ZNF76: variants seen among roughly 807,000 people sequenced by gnomAD.
The protein encoded by ZNF76 is zinc finger protein 523.
In ZNF76, 66 loss-of-function variants were observed where a neutral mutation model predicts 66.9. That is an observed-to-expected ratio of 0.99 (90% CI 0.81 to 1.21). ZNF76 has a LOEUF of 1.21. ZNF76 is among the 50% of genes most tolerant of loss of function. The pLI is 0.00. For synonymous variants in ZNF76, 275 were observed against 296.1 expected (o/e 0.93, Z 0.73); for missense variants, 729 against 760.3 (o/e 0.96, Z 0.48).
At chr6:35,294,872 T>C (rs1407736993) in intron 13 of ZNF76, 1 of 572,232 alleles carries the variant, frequency 1.7e-6, no homozygotes, top group Non-Finnish European at 3.1e-6. Context: ...CTGACGTAGA[T>C]GATCACCACG....
At chr6:35,291,436 C>A (rs1305418587) in intron 8 of ZNF76, 33 bp downstream of exon 8, 2 of 1,613,872 alleles carry the variant, frequency 1.2e-6, no homozygotes, top group Admixed American at 1.7e-5. Context: ...CAACCCCATT[C>A]CCTGGGCAAA....
intron 2 of ZNF76, among the ~76,000 whole-genome samples, chr6:35,282,264 A>G (rs1264683869): frequency 6.6e-6 from 1 of 151,960 alleles, no homozygotes; most frequent in Non-Finnish European, 1.5e-5. Flanking sequence ...TCTTGAGGCC[A>G]TAAGTTTGAG....
intron 8 of ZNF76, 36 bp downstream of exon 8, chr6:35,291,439 T>C (rs1401409520): frequency 6.2e-7 from 1 of 1,613,806 alleles, no homozygotes; most frequent in South Asian, 1.1e-5. Flanking sequence ...CCCCATTCCC[T>C]GGGCAAAAGG....
In ZNF76 at chr6:35,292,255, A is replaced by G. The variant is rs1790502050; in HGVS notation, c.932-299A>G. 6 of 481,896 alleles carry G rather than the reference A, an allele frequency of 1.2e-5. No individual in the cohort carries two copies. Among genetic ancestry groups the G allele is most frequent in the East Asian group, 7.4e-5 (2 of 26,910 alleles). 29.9% of individuals were successfully genotyped at this position (481,896 alleles called of 1,614,324 possible). A position where few individuals can be genotyped will look rare whatever the true frequency, so the allele number is the denominator to read the frequency against. On this transcript the variant is annotated intron_variant, in intron 9 of 13. Coordinates refer to ENST00000373953, the MANE Select transcript of ZNF76 (RefSeq NM_003427.5). This position sits in a 1 kb window ranked among gnomAD's most constrained non-coding sequence, Gnocchi z 4.7. ...TTGCCTCTGCTGTTCACCATTCTCA[A>G]CCTCCCACCCTCAACCTTATAAGCC...
chr6:35,264,519 G>T (rs748533643), intron 1 of ZNF76, among the ~76,000 whole-genome samples: 5 of 152,176 alleles, frequency 3.3e-5, no homozygotes, highest in Non-Finnish European at 7.3e-5. Context: ...TTTGAAGTTG[G>T]ATAATGGGTT....
At chr6:35,265,485 C>T (rs1160469624) in intron 1 of ZNF76, among the ~76,000 whole-genome samples, 16 of 143,772 alleles carry the variant, frequency 1.1e-4, no homozygotes, top group African/African-American at 3.4e-4. Flanking sequence ...CCAGCCTGGG[C>T]GACAGAGCGA....
At chr6:35,265,415 G>A (rs1430412339) in intron 1 of ZNF76, among the ~76,000 whole-genome samples, 3 of 151,476 alleles carry the variant, frequency 2.0e-5, no homozygotes, top group African/African-American at 4.9e-5. Context: ...GCTGAGGCAC[G>A]AGAATCACTT....
chr6:35,263,985 A>G (rs1785618464), intron 1 of ZNF76, among the ~76,000 whole-genome samples: 2 of 152,180 alleles, frequency 1.3e-5, no homozygotes, highest in African/African-American at 4.8e-5. Flanking sequence ...TCCTGACCTC[A>G]GGTGATCCAC....
intron 1 of ZNF76, among the ~76,000 whole-genome samples, chr6:35,263,770 A>C (rs979675554): frequency 6.6e-6 from 1 of 152,078 alleles, no homozygotes; most frequent in African/African-American, 2.4e-5. Context: ...TTTCTTTTCG[A>C]GATGGAGTCT....
chr6:35,268,514 C>T (rs915903505), intron 1 of ZNF76, among the ~76,000 whole-genome samples: 5 of 151,718 alleles, frequency 3.3e-5, no homozygotes, highest in Admixed American at 1.3e-4. Flanking sequence ...ACAAAAAAAA[C>T]GAAACCTGGC....
Position 35,281,053 on chromosome 6 carries a change from T to C in ZNF76, c.-96-3T>C. 8.5e-7 allele frequency: 1 copy of C among 1,169,964 alleles called. No individual in the cohort carries two copies. The allele number at this position is 1,169,964 out of a possible 1,614,324, so 72.5% of individuals were successfully genotyped here. ...CATAATGTGATACTGTTTATTTTCT[T>C]AGATTTGTGACCCAGAAGGAAATCT... On this transcript the variant is annotated splice_polypyrimidine_tract_variant and splice_region_variant and intron_variant, in intron 1 of 13. Coordinates refer to ENST00000373953, the MANE Select transcript of ZNF76 (RefSeq NM_003427.5).
intron 2 of ZNF76, among the ~76,000 whole-genome samples, chr6:35,283,605 T>G (rs1175090718): frequency 1.3e-5 from 2 of 152,190 alleles, no homozygotes; most frequent in Non-Finnish European, 2.9e-5. Flanking sequence ...CCACTGCCTC[T>G]CTCCATTGTA....
At chr6:35,294,059 G>A in intron 12 of ZNF76, 144 bp downstream of exon 12, 1 of 982,208 alleles carries the variant, frequency 1.0e-6, no homozygotes, top group Non-Finnish European at 1.5e-6. Flanking sequence ...CACAGTTCCT[G>A]GGCCATGAGC....
Position 35,292,248 on chromosome 6 carries a change from A to G in ZNF76, c.932-306A>G, listed in dbSNP as rs772437053. Reference sequence around the variant, plus strand: ...TTGCCTCTTGCCTCTGCTGTTCACCATTCTCAACCTCCCACCCTCAACCTT... The same window carrying G: ...TTGCCTCTTGCCTCTGCTGTTCACCGTTCTCAACCTCCCACCCTCAACCTT... On this transcript the variant is annotated intron_variant, in intron 9 of 13. Transcript: ENST00000373953. The surrounding 1 kb of genome is among the most constrained non-coding windows in gnomAD (Gnocchi z 4.7). 12 of 476,286 alleles carry G rather than the reference A, an allele frequency of 2.5e-5. No individual in the cohort carries two copies. The highest frequency in any genetic ancestry group is 3.9e-5 in the Non-Finnish European group (10 of 257,686). The allele number at this position is 476,286 out of a possible 1,614,324, so 29.5% of individuals were successfully genotyped here.
intron 1 of ZNF76, among the ~76,000 whole-genome samples, chr6:35,260,227 C>T (rs1437060216): frequency 6.6e-6 from 1 of 152,138 alleles, no homozygotes; most frequent in Admixed American, 6.5e-5. Context: ...AATCCGGTGA[C>T]TCACATGACC....
At chr6:35,278,208 G>T (rs989748940) in intron 1 of ZNF76, among the ~76,000 whole-genome samples, 5 of 151,786 alleles carry the variant, frequency 3.3e-5, no homozygotes, top group African/African-American at 9.7e-5. Flanking sequence ...CGCTGTTGTT[G>T]CCCAGGCTGG....
At chr6:35,284,799 C>T (rs958310031) in intron 2 of ZNF76, among the ~76,000 whole-genome samples, 14 of 152,156 alleles carry the variant, frequency 9.2e-5, no homozygotes, top group African/African-American at 2.9e-4. Context: ...CAACTTCTGC[C>T]TCCTGGGCTC....
rs149419128 is a variant in ZNF76 at position 35,272,418 on chromosome 6, A to G, written c.-96-8638A>G. ...TAGGAGTTCAAGGTTGCAGTGAGCT[A>G]TGATCATGCCGTTGCACTTGTAGTG... On this transcript the variant is annotated intron_variant, in intron 1 of 13. Coordinates refer to ENST00000373953, the MANE Select transcript of ZNF76 (RefSeq NM_003427.5). Among the ~76,000 whole-genome samples, 328 of 152,202 alleles carry G rather than the reference A, an allele frequency of 2.2e-3. 2 individuals carry two copies. The highest frequency in any genetic ancestry group is 7.5e-3 in the African/African-American group (312 of 41,522).
chr6:35,292,913 A>T lies in ZNF76; in HGVS notation c.1198A>T (p.Lys400Ter), dbSNP rs1790632334. Residue 400 changes from lysine to a stop codon, truncating the protein, a stop_gained, in exon 11 of 14, where the codon AAA (lysine) becomes TAA (stop). Coordinates refer to ENST00000373953, the MANE Select transcript of ZNF76 (RefSeq NM_003427.5). LOFTEE classifies it high-confidence loss of function. This position sits in a 1 kb window ranked among gnomAD's most constrained non-coding sequence, Gnocchi z 4.7. ...TGCAGCCGAGGAGAGTCCGCCACCCAAACGACCCCGGATAGCTTACCTTTC... is the reference window on the plus strand; with the variant it reads ...TGCAGCCGAGGAGAGTCCGCCACCCTAACGACCCCGGATAGCTTACCTTTC... ...ASAAEESPPP[K>*]RPRIAYLSEV... The T allele has an allele frequency of 6.2e-7, 1 of 1,614,186 alleles. No homozygotes were observed. The highest frequency in any genetic ancestry group is 8.5e-7 in the Non-Finnish European group (1 of 1,180,040).
Sources: gnomAD v4.1 joint callset for allele counts (sites outside exome capture counted in the v4.1 genomes callset) on GRCh38, gnomAD v4.1.1 for gene constraint, Gnocchi (gnomAD v3.1) non-coding constraint, MANE v1.5 for transcripts, NCBI Gene and HGNC (gene_info 2026-07-23, HGNC 2026-07-21) for gene names.